Variants in PLCXD3 observed in about 807,000 individuals in gnomAD.
The protein encoded by PLCXD3 is PI-PLC X domain-containing protein 3.
PLCXD3 carries 19 observed loss-of-function variants against 25.5 expected under a neutral mutation model. The observed-to-expected ratio is 0.75, with a 90% CI of 0.52 to 1.09. The LOEUF is 1.09. Ranked by LOEUF, PLCXD3 falls within the 50% of genes least tolerant of loss-of-function variation. The pLI is 0.00. For synonymous variants in PLCXD3, 174 were observed against 137.6 expected (o/e 1.26, Z -1.85); for missense variants, 411 against 388.1 (o/e 1.06, Z -0.50).
chr5:41,485,200 A>G (rs1748492585), intron 1 of PLCXD3, among the ~76,000 whole-genome samples: 1 of 152,172 alleles, frequency 6.6e-6, no homozygotes, highest in Non-Finnish European at 1.5e-5. Context: ...AAGACATTCA[A>G]AGAGGCCAAG....
At chr5:41,460,859 A>AT (rs576624906) in intron 1 of PLCXD3, among the ~76,000 whole-genome samples, 3 of 151,742 alleles carry the variant, frequency 2.0e-5, no homozygotes, top group Non-Finnish European at 4.4e-5. Context: ...GGAATTGTGA[A>AT]TTTTTTTTCT....
rs183434131 is a variant in PLCXD3 at position 41,404,774 on chromosome 5, C to T, written c.104-22240G>A. 3.9e-4 allele frequency among the ~76,000 whole-genome samples: 59 copies of T among 152,216 alleles called. No individual in the cohort carries two copies. The East Asian group carries it at 0.01, about 26-fold the overall frequency. ...AGCCATAATCCCATTTCAAATTCTA[C>T]AAAATTATAGGTTTAATAAACATCA... On this transcript the variant is annotated intron_variant, in intron 1 of 2. Transcript: ENST00000377801.
chr5:41,487,875 G>C (rs574485025), intron 1 of PLCXD3, among the ~76,000 whole-genome samples: 18 of 152,122 alleles, frequency 1.2e-4, no homozygotes, highest in African/African-American at 4.3e-4. Flanking sequence ...AATAAGTTTA[G>C]TAAGTTACAA....
chr5:41,354,020 C>T (rs1441163382), intron 2 of PLCXD3, among the ~76,000 whole-genome samples: 1 of 152,164 alleles, frequency 6.6e-6, no homozygotes, highest in African/African-American at 2.4e-5. Context: ...CATACTTCCT[C>T]TAGACTTTTT....
chr5:41,492,979 G>A (rs1381903805), intron 1 of PLCXD3, among the ~76,000 whole-genome samples: 1 of 152,238 alleles, frequency 6.6e-6, no homozygotes, highest in Non-Finnish European at 1.5e-5. Context: ...GTGAGGAACT[G>A]CGTTCCTTTG....
chr5:41,482,248 C>G (rs1748429297), intron 1 of PLCXD3, among the ~76,000 whole-genome samples: 1 of 152,104 alleles, frequency 6.6e-6, no homozygotes, highest in African/African-American at 2.4e-5. Flanking sequence ...CCCAGCATAA[C>G]CTGGAACACA....
At chr5:41,498,972 C>A (rs373859414) in intron 1 of PLCXD3, among the ~76,000 whole-genome samples, 1 of 151,402 alleles carries the variant, frequency 6.6e-6, no homozygotes, top group East Asian at 1.9e-4. Flanking sequence ...TGATAAAAAA[C>A]GCTCAACAAA....
intron 2 of PLCXD3, among the ~76,000 whole-genome samples, chr5:41,363,739 G>A (rs962664403): frequency 6.6e-5 from 10 of 152,128 alleles, no homozygotes; most frequent in Admixed American, 6.6e-5. Flanking sequence ...GTTTCAAAAA[G>A]CAATTTATCC....
rs532804953 is a variant in PLCXD3, at chr5:41,335,653, A to T, written c.813-21883T>A. On this transcript the variant is annotated intron_variant, in intron 2 of 2. Transcript: ENST00000377801. ...GGTCCTTGATGGTGAGATCCTGGAA[A>T]CTGCTGGTCTCCATGGCATTCATAC... 3.3e-5 allele frequency among the ~76,000 whole-genome samples: 5 copies of T among 152,238 alleles called. No homozygotes were observed. In the East Asian group the frequency reaches 9.7e-4, roughly 29 times the overall value.
At chr5:41,445,949 A>T (rs995380910) in intron 1 of PLCXD3, among the ~76,000 whole-genome samples, 7 of 152,010 alleles carry the variant, frequency 4.6e-5, no homozygotes, top group African/African-American at 1.7e-4. Flanking sequence ...GCACTTTGGG[A>T]GGCCGAGGCG....
At chr5:41,433,317 C>G (rs1747161545) in intron 1 of PLCXD3, among the ~76,000 whole-genome samples, 1 of 152,168 alleles carries the variant, frequency 6.6e-6, no homozygotes, top group Non-Finnish European at 1.5e-5. Flanking sequence ...ATAATAAGTT[C>G]CTAGTGCTCA....
chr5:41,439,459 G>T (rs1398958224), intron 1 of PLCXD3, among the ~76,000 whole-genome samples: 2 of 151,910 alleles, frequency 1.3e-5, no homozygotes, highest in African/African-American at 2.4e-5. Flanking sequence ...GGATTTTCAG[G>T]AAGTCTTTTT....
chr5:41,345,694 A>G (rs934189583), intron 2 of PLCXD3, among the ~76,000 whole-genome samples: 1 of 147,058 alleles, frequency 6.8e-6, no homozygotes, highest in Non-Finnish European at 1.5e-5. Flanking sequence ...ACACACACAC[A>G]CACACACACA....
intron 1 of PLCXD3, among the ~76,000 whole-genome samples, chr5:41,399,078 T>C (rs1746099660): frequency 6.6e-6 from 1 of 151,778 alleles, no homozygotes; most frequent in Non-Finnish European, 1.5e-5. Context: ...GGAAAAGAAA[T>C]AAAGTAATCC....
chr5:41,407,019 C>T (rs891728995), intron 1 of PLCXD3, among the ~76,000 whole-genome samples: 5 of 152,196 alleles, frequency 3.3e-5, no homozygotes, highest in African/African-American at 1.2e-4. Flanking sequence ...GCCTGGTCAT[C>T]TGCTGAGTCT....
chr5:41,371,684 C>T (rs760653193), intron 2 of PLCXD3, among the ~76,000 whole-genome samples: 12 of 152,106 alleles, frequency 7.9e-5, no homozygotes, highest in Non-Finnish European at 1.5e-4. Context: ...AAATCCTGCA[C>T]GTTCAACTAC....
At chr5:41,468,499 T>C (rs1473066799) in intron 1 of PLCXD3, among the ~76,000 whole-genome samples, 1 of 152,224 alleles carries the variant, frequency 6.6e-6, no homozygotes, top group African/African-American at 2.4e-5. Context: ...ATTCTTCTAG[T>C]TCATGAACAC....
intron 1 of PLCXD3, among the ~76,000 whole-genome samples, chr5:41,445,286 G>A (rs1187166804): frequency 6.6e-6 from 1 of 152,166 alleles, no homozygotes; most frequent in Non-Finnish European, 1.5e-5. Context: ...GTTATGTCCA[G>A]TGCTCAGGTT....
At chr5:41,445,011 A>G (rs1052818400) in intron 1 of PLCXD3, among the ~76,000 whole-genome samples, 3 of 152,248 alleles carry the variant, frequency 2.0e-5, no homozygotes, top group African/African-American at 7.2e-5. Context: ...GTCAACATAT[A>G]CAGCTATTCA....
Sources: allele counts gnomAD v4.1 joint callset (sites outside exome capture counted in the v4.1 genomes callset), GRCh38; gene constraint gnomAD v4.1.1; transcripts MANE v1.5; gene names NCBI Gene and HGNC (gene_info 2026-07-23, HGNC 2026-07-21).